The following RMDN2 variants were observed in gnomAD, a reference collection of about 807,000 sequenced individuals.
The protein encoded by RMDN2 is regulator of microtubule dynamics 2, also known as regulator of microtubule dynamics protein 2.
RMDN2 carries 61 observed loss-of-function variants against 52.8 expected under a neutral mutation model. The observed-to-expected ratio is 1.16, with a 90% CI of 0.94 to 1.43. The LOEUF is 1.43. RMDN2 is among the 40% of genes most tolerant of loss of function. The pLI, the probability that RMDN2 is intolerant of heterozygous loss-of-function variation, is 0.00. For missense variants in RMDN2, 592 were observed against 475.3 expected (o/e 1.25, Z -2.28); for synonymous variants, 180 against 153.1 (o/e 1.18, Z -1.30).
At position 38,013,297 on chromosome 2, in the gene RMDN2, A is replaced by G. The variant is rs1678266485; in HGVS notation, c.1180-3889A>G. Among the ~76,000 whole-genome samples, 3 of 152,254 alleles carry G rather than the reference A, an allele frequency of 2.0e-5. 1 individual carries two copies. On this transcript the variant is annotated intron_variant, in intron 10 of 10. Coordinates refer to ENST00000354545, the MANE Select transcript of RMDN2 (RefSeq NM_001170791.3). ...AGCTCAAATATAAAAAGCATTATGT[A>G]ATGTTGTATGATAAGAGGTGCTAAA...
chr2:37,926,068 C>G (rs1256236580), intron 1 of RMDN2, among the ~76,000 whole-genome samples: 1 of 152,058 alleles, frequency 6.6e-6, no homozygotes, highest in African/African-American at 2.4e-5. Context: ...ATCACTAGTT[C>G]AAGGTCTCAG....
At chr2:37,968,545 A>G (rs575890124) in intron 2 of RMDN2, among the ~76,000 whole-genome samples, 1 of 152,244 alleles carries the variant, frequency 6.6e-6, no homozygotes, top group African/African-American at 2.4e-5. Flanking sequence ...GTACTTATGT[A>G]AATACACTCT....
intron 2 of RMDN2, chr2:37,952,317 C>T: frequency 1.0e-6 from 1 of 953,450 alleles, no homozygotes; most frequent in Non-Finnish European, 1.6e-6. Context: ...CAAAGCTTCA[C>T]TGCATTTTCT....
At chr2:37,966,648 C>G (rs1442911046) in intron 2 of RMDN2, among the ~76,000 whole-genome samples, 2 of 151,836 alleles carry the variant, frequency 1.3e-5, no homozygotes, top group Non-Finnish European at 2.9e-5. Context: ...TTTCAAATGA[C>G]CTGTCTTAAA....
chr2:37,969,018 A>T (rs1189199168), intron 2 of RMDN2, among the ~76,000 whole-genome samples: 2 of 151,206 alleles, frequency 1.3e-5, no homozygotes, highest in Non-Finnish European at 2.9e-5. Flanking sequence ...AAAGTAGGAA[A>T]CCAATTTTCC....
intron 10 of RMDN2, among the ~76,000 whole-genome samples, chr2:38,006,820 C>A (rs184765291): frequency 1.3e-5 from 2 of 152,058 alleles, no homozygotes; most frequent in Non-Finnish European, 1.5e-5. Flanking sequence ...TTGCCCATTC[C>A]GTACGATACT....
At chr2:37,924,678 A>T (rs1666135588), upstream of RMDN2, among the ~76,000 whole-genome samples, 1 of 152,172 alleles carries the variant, frequency 6.6e-6, no homozygotes. Context: ...AGTTTTTAAG[A>T]GCGTATTTAG....
intron 10 of RMDN2, among the ~76,000 whole-genome samples, chr2:38,005,683 C>A (rs1676980321): frequency 6.6e-6 from 1 of 152,172 alleles, no homozygotes; most frequent in Non-Finnish European, 1.5e-5. Flanking sequence ...GGTTCTTTTG[C>A]TGTGCAGAAG....
intron 5 of RMDN2, among the ~76,000 whole-genome samples, chr2:37,982,946 G>C (rs1487160547): frequency 6.6e-6 from 1 of 152,100 alleles, no homozygotes; most frequent in Non-Finnish European, 1.5e-5. Context: ...GATAATGGAG[G>C]TATTTGGGAA....
chr2:37,971,763 G>T (rs76686678), intron 2 of RMDN2, among the ~76,000 whole-genome samples: 1,654 of 152,176 alleles, frequency 0.011, 11 homozygotes, highest in Non-Finnish European at 0.016. Context: ...TTCATAGTAG[G>T]TCCTAAAATC....
chr2:37,963,811 G>T (rs547005722), intron 2 of RMDN2, among the ~76,000 whole-genome samples: 2 of 152,058 alleles, frequency 1.3e-5, no homozygotes, highest in Admixed American at 6.5e-5. Context: ...ATCATGGCCC[G>T]TTCTCAATGA....
chr2:38,046,032 C>T (rs1429057528), intron 10 of RMDN2, among the ~76,000 whole-genome samples: 1 of 152,208 alleles, frequency 6.6e-6, no homozygotes, highest in African/African-American at 2.4e-5. Flanking sequence ...ATTGTAGGTT[C>T]TCATATATTC....
intron 2 of RMDN2, among the ~76,000 whole-genome samples, chr2:37,959,906 C>T (rs1290979158): frequency 6.8e-6 from 1 of 146,500 alleles, no homozygotes; most frequent in Non-Finnish European, 1.5e-5. Flanking sequence ...GTTATTCACC[C>T]AGTAGTGATT....
rs564356702 is a variant in RMDN2, at chr2:38,044,761, G to T, written c.1714-22221G>T. Among the ~76,000 whole-genome samples the T allele has an allele frequency of 5.3e-5, 8 of 151,992 alleles. No homozygotes were observed. The East Asian group carries it at 1.5e-3, about 29-fold the overall frequency. ...CTTTTGATTCTTTTTAGGGTTTCCA[G>T]CTCTCTGATTATATTACCCACCTAT... On this transcript the variant is annotated intron_variant, in intron 10 of 10. Coordinates refer to the RMDN2 transcript ENST00000234195.
chr2:37,961,046 G>T (rs1360787225), intron 2 of RMDN2, among the ~76,000 whole-genome samples: 1 of 152,140 alleles, frequency 6.6e-6, no homozygotes, highest in African/African-American at 2.4e-5. Context: ...TAGGGTTTCT[G>T]CAGAGAGATC....
intron 10 of RMDN2, among the ~76,000 whole-genome samples, chr2:38,054,709 C>G (rs565446474): frequency 6.6e-6 from 1 of 152,116 alleles, no homozygotes; most frequent in Non-Finnish European, 1.5e-5. Context: ...TTTATGAATT[C>G]TCTTCTCTCT....
chr2:38,047,835 C>A (rs949173143), intron 10 of RMDN2, among the ~76,000 whole-genome samples: 4 of 152,178 alleles, frequency 2.6e-5, no homozygotes, highest in African/African-American at 9.7e-5. Flanking sequence ...GCTCTTCTTT[C>A]TCTTTTATCA....
At chr2:38,012,773 T>C (rs1678190852) in intron 10 of RMDN2, 1 of 294,752 alleles carries the variant, frequency 3.4e-6, no homozygotes, top group African/African-American at 2.2e-5. Flanking sequence ...GTGATTTTGC[T>C]AACCAAGTTT....
intron 2 of RMDN2, among the ~76,000 whole-genome samples, chr2:37,963,414 A>C (rs1462659786): frequency 6.6e-6 from 1 of 151,360 alleles, no homozygotes; most frequent in Non-Finnish European, 1.5e-5. Flanking sequence ...AGGTCAGCAG[A>C]TAAACAAGTG....
Sources: allele counts gnomAD v4.1 joint callset (sites outside exome capture counted in the v4.1 genomes callset), GRCh38; gene constraint gnomAD v4.1.1; transcripts MANE v1.5; gene names NCBI Gene and HGNC (gene_info 2026-07-23, HGNC 2026-07-21).